The following CCDC158 variants were observed in gnomAD, a reference collection of about 807,000 sequenced individuals.
CCDC158 encodes the protein coiled-coil domain-containing protein 158.
In CCDC158, 116 loss-of-function variants were observed where a neutral mutation model predicts 138.6. The ratio of observed to expected loss-of-function variants is 0.84; its 90% CI spans 0.72 to 0.98. The LOEUF is 0.98. Ranked by LOEUF, CCDC158 falls within the 50% of genes least tolerant of loss-of-function variation. CCDC158 has a pLI of 0.00. For missense variants in CCDC158, 1,265 were observed against 1,306.1 expected (o/e 0.97, Z 0.48); for synonymous variants, 436 against 442.4 (o/e 0.99, Z 0.18).
intron 2 of CCDC158, among the ~76,000 whole-genome samples, chr4:76,404,780 T>C (rs947633828): frequency 6.6e-6 from 1 of 152,012 alleles, no homozygotes; most frequent in Admixed American, 6.6e-5. Context: ...ATCCCAGCAC[T>C]TAGAGATGCA....
At chr4:76,313,475 A>C (rs1370507703) in intron 24 of CCDC158, among the ~76,000 whole-genome samples, 1 of 151,672 alleles carries the variant, frequency 6.6e-6, no homozygotes, top group East Asian at 1.9e-4. Flanking sequence ...TATTTTGTAG[A>C]GACAGGGTCT....
intron 4 of CCDC158, among the ~76,000 whole-genome samples, chr4:76,390,973 G>A (rs1178235616): frequency 6.6e-6 from 1 of 151,948 alleles, no homozygotes; most frequent in Non-Finnish European, 1.5e-5. Flanking sequence ...GCAGCACCCA[G>A]ATATATAAAG....
At chr4:76,355,092 A>G (rs1282875928) in intron 15 of CCDC158, among the ~76,000 whole-genome samples, 1 of 152,216 alleles carries the variant, frequency 6.6e-6, no homozygotes, top group Non-Finnish European at 1.5e-5. Context: ...GTTTATAATC[A>G]TTCCTTGCCT....
chr4:76,397,715 G>A (rs1727955655), intron 3 of CCDC158, among the ~76,000 whole-genome samples: 2 of 152,194 alleles, frequency 1.3e-5, no homozygotes, highest in African/African-American at 4.8e-5. Context: ...GAACTCTATG[G>A]TATTGGATTT....
intron 4 of CCDC158, among the ~76,000 whole-genome samples, chr4:76,394,778 AAAAG>A (rs1170177959): frequency 1.3e-5 from 2 of 152,112 alleles, no homozygotes; most frequent in South Asian, 2.1e-4. Context: ...TAATTAAAAA[AAAAG>A]AAAGAAGATA....
rs910923075 is a variant in CCDC158, at chr4:76,421,007, C to T, written c.-159G>A. Among the ~76,000 whole-genome samples the T allele has an allele frequency of 2.6e-5, 4 of 152,046 alleles. No homozygotes were observed. The highest frequency in any genetic ancestry group is 6.5e-5 in the Admixed American group (1 of 15,278). ...TCCTAAGACACCGGCCACATCTCCG[C>T]GGGGCGCCGGCGGGCGCAGCGGCCC... On this transcript the variant is annotated 5_prime_UTR_variant, in exon 1 of 25. Transcript: ENST00000682701.
At chr4:76,349,296 G>A (rs1159508048) in intron 18 of CCDC158, among the ~76,000 whole-genome samples, 1 of 152,094 alleles carries the variant, frequency 6.6e-6, no homozygotes, top group East Asian at 1.9e-4. Flanking sequence ...TTTAAGAGAA[G>A]GAATTAATTG....
intron 24 of CCDC158, among the ~76,000 whole-genome samples, chr4:76,319,432 CAAAAAAAAAAAAAAAAAAA>C (rs71659321): frequency 3.3e-4 from 8 of 23,946 alleles, no homozygotes; most frequent in African/African-American, 1.4e-3. Context: ...GACTCCGTAT[CAAAAAAAAAAAAAAAAAAA>C]AAAAAAAAAA....
chr4:76,331,722 T>C (rs1721027865), intron 20 of CCDC158, among the ~76,000 whole-genome samples: 1 of 152,006 alleles, frequency 6.6e-6, no homozygotes, highest in South Asian at 2.1e-4. Flanking sequence ...GATTAGAGGA[T>C]AATACAGGAG....
intron 22 of CCDC158, among the ~76,000 whole-genome samples, chr4:76,328,544 A>G (rs1157571895): frequency 6.6e-6 from 1 of 152,216 alleles, no homozygotes; most frequent in Non-Finnish European, 1.5e-5. Flanking sequence ...TTGGCTTCTC[A>G]AAGTGCTGGA....
intron 3 of CCDC158, chr4:76,402,149 A>T (rs1361636404): frequency 6.6e-6 from 1 of 152,222 alleles, no homozygotes; most frequent in Admixed American, 6.5e-5. Context: ...TCTGAGATAG[A>T]CCATTAAATT....
chr4:76,325,961 T>C lies in CCDC158; in HGVS notation c.3065A>G (p.Lys1022Arg), dbSNP rs1720492023. ...AGTTAGGAGTGAGTGCACTGGAGAC[T>C]TCTTAGGAGAAGAATTGAATGAACG... ...ASRSFNSSPK[K>R]SPVHSLLTSS... The change falls in exon 23 of 25, where the codon AAG becomes AGG. Residue 1022 changes from lysine to arginine, a missense_variant. By Grantham distance (26) the Lys-to-Arg change is conservative (BLOSUM62 2). Coordinates refer to ENST00000682701, the MANE Select transcript of CCDC158 (RefSeq NM_001394954.1). 6.2e-7 allele frequency: 1 copy of C among 1,613,640 alleles called. No individual in the cohort carries two copies. Among genetic ancestry groups the C allele is most frequent in the African/African-American group, 1.3e-5 (1 of 75,048 alleles).
chr4:76,337,926 G>T lies in CCDC158; in HGVS notation c.2665-3759C>A, dbSNP rs932888285. On this transcript the variant is annotated intron_variant, in intron 18 of 24. Transcript: ENST00000682701. ...GGTCCCCAAACCCTGGACCGGTACC[G>T]GCCCATGGTCTGTGAGGAATGGGGC... 5.3e-5 allele frequency among the ~76,000 whole-genome samples: 8 copies of T among 152,126 alleles called. No homozygotes were observed. The South Asian group carries it at 1.7e-3, about 32-fold the overall frequency.
At chr4:76,407,695 T>C (rs947397515) in intron 2 of CCDC158, among the ~76,000 whole-genome samples, 5 of 152,112 alleles carry the variant, frequency 3.3e-5, no homozygotes, top group Admixed American at 2.0e-4. Flanking sequence ...AGGACAGATA[T>C]AGAACCACAA....
At chr4:76,325,549 G>C (rs182476005) in intron 23 of CCDC158, among the ~76,000 whole-genome samples, 11 of 152,254 alleles carry the variant, frequency 7.2e-5, no homozygotes, top group African/African-American at 2.2e-4. Flanking sequence ...AAATAAGAAA[G>C]AAAAGTAGTT....
intron 11 of CCDC158, 116 bp from the exon 12 acceptor site, chr4:76,367,892 AT>A: frequency 1.1e-6 from 1 of 903,150 alleles, no homozygotes; most frequent in Non-Finnish European, 1.5e-6. Context: ...GTTTAGTAAG[AT>A]CTTTTTTTTT....
intron 24 of CCDC158, among the ~76,000 whole-genome samples, chr4:76,316,254 T>C (rs1719375947): frequency 6.6e-6 from 1 of 151,868 alleles, no homozygotes; most frequent in Admixed American, 6.6e-5. Flanking sequence ...GAAATAGATA[T>C]AAAGAAAAAC....
intron 18 of CCDC158, among the ~76,000 whole-genome samples, chr4:76,342,346 T>G (rs1364267088): frequency 6.6e-6 from 1 of 152,168 alleles, no homozygotes; most frequent in Non-Finnish European, 1.5e-5. Flanking sequence ...CAGACTCAAG[T>G]GTCTTTTTGC....
At chr4:76,392,476 A>C (rs1490464261) in intron 4 of CCDC158, among the ~76,000 whole-genome samples, 2 of 151,912 alleles carry the variant, frequency 1.3e-5, no homozygotes, top group African/African-American at 2.4e-5. Context: ...ATAATGAAGC[A>C]CACTTACAAG....
Sources: allele counts gnomAD v4.1 joint callset (sites outside exome capture counted in the v4.1 genomes callset), GRCh38; gene constraint gnomAD v4.1.1; transcripts MANE v1.5; gene names NCBI Gene and HGNC (gene_info 2026-07-23, HGNC 2026-07-21).